The following PTPRD variants were observed in gnomAD, a reference collection of about 807,000 sequenced individuals.
PTPRD encodes receptor-type tyrosine-protein phosphatase delta.
A neutral mutation model predicts 214.5 loss-of-function variants in PTPRD; 34 were observed. The observed-to-expected ratio is 0.16, with a 90% confidence interval of 0.12 to 0.21. The LOEUF is 0.21. PTPRD is among the 10% of genes least tolerant of loss of function. The probability of loss-of-function intolerance (pLI) is 1.00; values close to 1 mark genes in which losing one functional copy is unlikely to be tolerated. For synonymous variants in PTPRD, 1,128 were observed against 845.7 expected (o/e 1.33, Z -5.79); for missense variants, 2,545 against 2,398.7 (o/e 1.06, Z -1.27).
intron 3 of PTPRD, among the ~76,000 whole-genome samples, chr9:10,326,147 G>A (rs1050280136): frequency 6.6e-6 from 1 of 151,630 alleles, no homozygotes; most frequent in African/African-American, 2.4e-5. Context: ...TACCATATTT[G>A]ATTGGACAAT....
chr9:8,495,812 C>G (rs934064379), intron 26 of PTPRD, among the ~76,000 whole-genome samples: 2 of 152,152 alleles, frequency 1.3e-5, no homozygotes, highest in African/African-American at 4.8e-5. Context: ...CACACAGTTA[C>G]AAGATTCCCA....
intron 9 of PTPRD, among the ~76,000 whole-genome samples, chr9:9,343,102 T>C (rs1157215249): frequency 6.6e-6 from 1 of 152,194 alleles, no homozygotes; most frequent in Admixed American, 6.5e-5. Flanking sequence ...ATGATGTATA[T>C]GTGCCACATT....
chr9:9,472,565 C>G (rs537200183), intron 8 of PTPRD, among the ~76,000 whole-genome samples: 1 of 152,220 alleles, frequency 6.6e-6, no homozygotes, highest in African/African-American at 2.4e-5. Context: ...GTAAGCTGTT[C>G]AGTTTGCAGC....
chr9:10,151,711 C>A (rs2099062458), intron 3 of PTPRD, among the ~76,000 whole-genome samples: 1 of 152,088 alleles, frequency 6.6e-6, no homozygotes, highest in African/African-American at 2.4e-5. Flanking sequence ...TTGTCCCAAA[C>A]CCTCAACCCA....
intron 11 of PTPRD, among the ~76,000 whole-genome samples, chr9:8,786,105 C>G (rs1399506985): frequency 6.6e-6 from 1 of 151,296 alleles, no homozygotes; most frequent in Non-Finnish European, 1.5e-5. Flanking sequence ...AGTGGCAATT[C>G]AGATACTGAC....
rs1423655605 is a variant in PTPRD at position 8,474,432 on chromosome 9, G to C, written c.3414-3347C>G. Among the ~76,000 whole-genome samples, 3 of 152,192 alleles carry C rather than the reference G, an allele frequency of 2.0e-5. No homozygotes were observed. The East Asian group carries it at 5.8e-4, about 29-fold the overall frequency. ...GATTCTTCAATTCTCCCTTTCCAAA[G>C]CCCGTCTCCTCCACTCTACCTTAGC... On this transcript the variant is annotated intron_variant, in intron 30 of 45. Coordinates refer to ENST00000381196, the MANE Select transcript of PTPRD (RefSeq NM_002839.4).
chr9:9,977,715 A>C (rs1245973569), intron 4 of PTPRD, among the ~76,000 whole-genome samples: 2 of 152,170 alleles, frequency 1.3e-5, no homozygotes, highest in East Asian at 3.8e-4. Context: ...GCAGGAATAG[A>C]ATTCATTGTT....
intron 9 of PTPRD, among the ~76,000 whole-genome samples, chr9:9,260,656 G>T (rs1594747250): frequency 1.3e-5 from 2 of 151,856 alleles, no homozygotes; most frequent in East Asian, 3.9e-4. Flanking sequence ...TTGTAAAGTG[G>T]TGATCCTAGA....
At chr9:8,324,982 A>G (rs1832196018) in intron 44 of PTPRD, among the ~76,000 whole-genome samples, 1 of 152,192 alleles carries the variant, frequency 6.6e-6, no homozygotes, top group African/African-American at 2.4e-5. Flanking sequence ...AGTTCTTTGT[A>G]GATTCTGGAT....
chr9:10,278,155 C>CAAAAAAAAAAAAAAAAAAA (rs752887858), intron 3 of PTPRD, among the ~76,000 whole-genome samples: 6 of 144,712 alleles, frequency 4.1e-5, no homozygotes, highest in Non-Finnish European at 3.1e-5. Context: ...GACTCTGTCT[C>CAAAAAAAAAAAAAAAAAAA]AAAAAACAAA....
At chr9:8,764,658 A>G (rs1316241019) in intron 11 of PTPRD, among the ~76,000 whole-genome samples, 3 of 151,866 alleles carry the variant, frequency 2.0e-5, no homozygotes, top group Non-Finnish European at 4.4e-5. Flanking sequence ...AACCGGGTAT[A>G]GTGGTGCGTG....
chr9:8,737,762 T>C (rs1483735058), intron 11 of PTPRD, among the ~76,000 whole-genome samples: 1 of 152,190 alleles, frequency 6.6e-6, no homozygotes, highest in Non-Finnish European at 1.5e-5. Flanking sequence ...GCGATTCTCC[T>C]GCCTCAGCCT....
intron 4 of PTPRD, among the ~76,000 whole-genome samples, chr9:10,016,022 C>G (rs1171010924): frequency 6.6e-6 from 1 of 152,138 alleles, no homozygotes; most frequent in Admixed American, 6.5e-5. Context: ...AGGTACCAGG[C>G]TACAACCACC....
At chr9:9,100,707 C>T (rs1055232795) in intron 10 of PTPRD, among the ~76,000 whole-genome samples, 3 of 152,094 alleles carry the variant, frequency 2.0e-5, no homozygotes, top group Admixed American at 6.5e-5. Context: ...ATGTTCCTGT[C>T]TCAGGAATAT....
intron 11 of PTPRD, among the ~76,000 whole-genome samples, chr9:8,941,649 T>C (rs2099034538): frequency 6.6e-6 from 1 of 152,146 alleles, no homozygotes. Flanking sequence ...AAATATTATA[T>C]TTCACAAAGT....
At chr9:9,240,554 C>A (rs1158738842) in intron 9 of PTPRD, among the ~76,000 whole-genome samples, 4 of 151,964 alleles carry the variant, frequency 2.6e-5, no homozygotes, top group Admixed American at 6.6e-5. Context: ...GCCTGTCATC[C>A]CAGCTACTGG....
At chr9:9,657,912 G>A (rs538217498) in intron 7 of PTPRD, among the ~76,000 whole-genome samples, 2 of 152,208 alleles carry the variant, frequency 1.3e-5, no homozygotes, top group Non-Finnish European at 2.9e-5. Context: ...GACCTAAAGA[G>A]AGGATGGGTC....
chr9:8,925,858 A>ATTTTTTTTTTTTTTTTTTTTTT (rs33971552), intron 11 of PTPRD, among the ~76,000 whole-genome samples: 2 of 120,168 alleles, frequency 1.7e-5, no homozygotes, highest in Non-Finnish European at 1.7e-5. Context: ...CTATTGCAAT[A>ATTTTTTTTTTTTTTTTTTTTTT]TTTTTTTTTT....
chr9:10,304,316 G>C (rs962652693), intron 3 of PTPRD, among the ~76,000 whole-genome samples: 3 of 152,110 alleles, frequency 2.0e-5, no homozygotes, highest in Non-Finnish European at 4.4e-5. Context: ...ATACAGAATG[G>C]GGAAAAACCA....
Sources: gnomAD v4.1 joint callset for allele counts (sites outside exome capture counted in the v4.1 genomes callset) on GRCh38, gnomAD v4.1.1 for gene constraint, MANE v1.5 for transcripts, NCBI Gene and HGNC (gene_info 2026-07-23, HGNC 2026-07-21) for gene names.